OTUB2: variants seen among roughly 807,000 people sequenced by gnomAD.
OTUB2 encodes OTU deubiquitinase, ubiquitin aldehyde binding 2, also known as ubiquitin thioesterase OTUB2.
OTUB2 carries 21 observed loss-of-function variants against 25.1 expected under a neutral mutation model. The ratio of observed to expected loss-of-function variants is 0.84; its 90% confidence interval spans 0.59 to 1.21. The LOEUF is 1.21. OTUB2 is among the 50% of genes most tolerant of loss of function. The probability of loss-of-function intolerance (pLI) is 0.00; values close to 1 mark genes in which losing one functional copy is unlikely to be tolerated. For missense variants in OTUB2, 283 were observed against 298.0 expected (o/e 0.95, Z 0.37); for synonymous variants, 122 against 122.8 (o/e 0.99, Z 0.04).
chr14:94,042,059 G>A (rs1156628967), intron 3 of OTUB2, among the ~76,000 whole-genome samples: 1 of 151,420 alleles, frequency 6.6e-6, no homozygotes, highest in East Asian at 1.9e-4. Context: ...GCTGCTGCAG[G>A]GCTGGAGCAA....
intron 4 of OTUB2, 51 bp downstream of exon 4, chr14:94,044,106 G>A: frequency 6.5e-7 from 1 of 1,539,650 alleles, no homozygotes; most frequent in Non-Finnish European, 9.0e-7. Context: ...ACAGGAGTGG[G>A]CACTGGCTGG....
chr14:94,037,329 G>C (rs1218246528), intron 1 of OTUB2, 51 bp from the exon 2 acceptor site: 1 of 1,383,044 alleles, frequency 7.2e-7, no homozygotes, highest in Non-Finnish European at 1.0e-6. Flanking sequence ...GGGGAGTCCC[G>C]TCCGTTGCTT....
Position 94,044,608 on chromosome 14 carries a change from T to G in OTUB2, c.326T>G (p.Val109Gly). The G allele has an allele frequency of 1.2e-6, 2 of 1,613,896 alleles. No homozygotes were observed. The highest frequency in any genetic ancestry group is 1.7e-6 in the Non-Finnish European group (2 of 1,179,870). Residue 109 changes from valine (V) to glycine (G), a missense_variant, in exon 5 of 6, where the codon GTA becomes GGA. Coordinates refer to ENST00000203664, the MANE Select transcript of OTUB2 (RefSeq NM_023112.4). ...CAGTTTTACAGTGTGGTGGAACTGG[T>G]AGAGAAGGATGGCTCAGTGTCCAGC... is the stretch of plus-strand genomic sequence containing the variant. ...FNAFYSVVEL[V>G]EKDGSVSSLL... is the part of the protein sequence containing the mutation.
At chr14:94,030,407 A>C (rs1884937282) in intron 1 of OTUB2, among the ~76,000 whole-genome samples, 1 of 152,052 alleles carries the variant, frequency 6.6e-6, no homozygotes, top group South Asian at 2.1e-4. Context: ...TAATGTTCTC[A>C]GACTTCTGAG....
At chr14:94,033,883 G>A (rs905656255) in intron 1 of OTUB2, among the ~76,000 whole-genome samples, 1 of 152,212 alleles carries the variant, frequency 6.6e-6, no homozygotes, top group Non-Finnish European at 1.5e-5. Flanking sequence ...TGTACAACTA[G>A]CAATTGTTAT....
Position 94,047,318 on chromosome 14 carries a change from C to T in OTUB2, c.*1396C>T, listed in dbSNP as rs796309248. ...GACTGGGTAGCAGACTCCTCAGAGT[C>T]CTCTTGACACAAATGTCAGATTTGT... On this transcript the variant is annotated 3_prime_UTR_variant, in exon 6 of 6. Coordinates refer to ENST00000203664, the MANE Select transcript of OTUB2 (RefSeq NM_023112.4). 3.3e-5 allele frequency: 5 copies of T among 152,306 alleles called. No individual in the cohort carries two copies. Among genetic ancestry groups the T allele is most frequent in the African/African-American group, 9.6e-5 (4 of 41,544 alleles). 9.4% of individuals were successfully genotyped at this position (152,306 alleles called of 1,614,324 possible). A position where few individuals can be genotyped will look rare whatever the true frequency, so the allele number is the denominator to read the frequency against.
At chr14:94,041,127 G>A (rs1885153645) in intron 3 of OTUB2, among the ~76,000 whole-genome samples, 1 of 152,224 alleles carries the variant, frequency 6.6e-6, no homozygotes, top group South Asian at 2.1e-4. Context: ...GCAAGAAGTG[G>A]GCAGGTCTAG....
At position 94,046,035 on chromosome 14, in the gene OTUB2, G is replaced by A; in HGVS notation, c.*113G>A. 1 of 1,235,536 alleles carries A rather than the reference G, an allele frequency of 8.1e-7. No homozygotes were observed. The highest frequency in any genetic ancestry group is 1.3e-5 in the South Asian group (1 of 74,098). The allele number at this position is 1,235,536 out of a possible 1,614,324, so 76.5% of individuals were successfully genotyped here. On this transcript the variant is annotated 3_prime_UTR_variant, in exon 6 of 6. Coordinates refer to ENST00000203664, the MANE Select transcript of OTUB2 (RefSeq NM_023112.4). ...TTAGACTGTAGCAAGAAAATGTGCA[G>A]CCTTTTGGGCAAAGCCCCTGGGAAC...
At chr14:94,040,612 A>G (rs1206368954) in intron 3 of OTUB2, among the ~76,000 whole-genome samples, 1 of 152,166 alleles carries the variant, frequency 6.6e-6, no homozygotes, top group Non-Finnish European at 1.5e-5. Context: ...GCACCAGCCC[A>G]CGTGCTCTGT....
intron 2 of OTUB2, among the ~76,000 whole-genome samples, chr14:94,038,685 G>A (rs1238535486): frequency 1.3e-5 from 2 of 152,180 alleles, no homozygotes; most frequent in Non-Finnish European, 2.9e-5. Context: ...GTGGCACCCA[G>A]CCAGGCACTC....
At chr14:94,026,614 T>A in intron 1 of OTUB2, 74 bp downstream of exon 1, 8 of 916,410 alleles carry the variant, frequency 8.7e-6, no homozygotes, top group Non-Finnish European at 9.9e-6. Context: ...CCGGAGCGGG[T>A]GCACCCGCGG....
At chr14:94,031,968 G>A (rs765448539) in intron 1 of OTUB2, among the ~76,000 whole-genome samples, 1 of 152,222 alleles carries the variant, frequency 6.6e-6, no homozygotes, top group Non-Finnish European at 1.5e-5. Flanking sequence ...TCACGAATGA[G>A]AGTCAGCCAG....
rs140447688 is a variant in OTUB2 at position 94,041,759 on chromosome 14, C to T, written c.219-2212C>T. Among the ~76,000 whole-genome samples, 831 of 152,342 alleles carry T rather than the reference C, an allele frequency of 5.5e-3. 4 individuals carry two copies. Among genetic ancestry groups the T allele is most frequent in the African/African-American group, 0.018 (769 of 41,572 alleles). On this transcript the variant is annotated intron_variant, in intron 3 of 5. Coordinates refer to ENST00000203664, the MANE Select transcript of OTUB2 (RefSeq NM_023112.4). Reference sequence around the variant, plus strand: ...ACCAGAGCTTGCAGGCATGACATGCCGCCTGACGCTGCCTGGGCCTAGGTA... The same window carrying T: ...ACCAGAGCTTGCAGGCATGACATGCTGCCTGACGCTGCCTGGGCCTAGGTA...
chr14:94,047,366 A>G lies in OTUB2; in HGVS notation c.*1444A>G, dbSNP rs1885298716. ...TGTGTCACTCTTCTGCCTTCGTGAA[A>G]AGCCAATAGCACTCTCAGATATCAG... On this transcript the variant is annotated 3_prime_UTR_variant, in exon 6 of 6. Coordinates refer to ENST00000203664, the MANE Select transcript of OTUB2 (RefSeq NM_023112.4). The G allele has an allele frequency of 6.6e-6, 1 of 152,174 alleles. No individual in the cohort carries two copies. Among genetic ancestry groups the G allele is most frequent in the Admixed American group, 6.5e-5 (1 of 15,280 alleles). The allele number at this position is 152,174 out of a possible 1,614,324, so 9.4% of individuals were successfully genotyped here. A position where few individuals can be genotyped will look rare whatever the true frequency, so the allele number is the denominator to read the frequency against.
At chr14:94,027,937 G>A (rs945943331) in intron 1 of OTUB2, among the ~76,000 whole-genome samples, 3 of 152,256 alleles carry the variant, frequency 2.0e-5, no homozygotes, top group Non-Finnish European at 4.4e-5. Context: ...CCACCAGGGA[G>A]TGGTGGAGCT....
chr14:94,046,284 AC>A lies in OTUB2; in HGVS notation c.*364del. On this transcript the variant is annotated 3_prime_UTR_variant, in exon 6 of 6. Coordinates refer to ENST00000203664, the MANE Select transcript of OTUB2 (RefSeq NM_023112.4). ...AAAATGGGGCCTCTGGTGTCTCTTT[AC>A]CAGGGGCAGTGCCTCTCTGCGGGGG... 1 of 340,344 alleles carries A rather than the reference AC, an allele frequency of 2.9e-6. No homozygotes were observed. The highest frequency in any genetic ancestry group is 6.4e-5 in the East Asian group (1 of 15,546). 21.1% of individuals were successfully genotyped at this position (340,344 alleles called of 1,614,324 possible).
chr14:94,033,432 T>A (rs1884996104), intron 1 of OTUB2, among the ~76,000 whole-genome samples: 1 of 152,208 alleles, frequency 6.6e-6, no homozygotes, highest in African/African-American at 2.4e-5. Context: ...ATTAATTCCT[T>A]AAATCCATTC....
At chr14:94,032,291 G>T (rs1476592482) in intron 1 of OTUB2, among the ~76,000 whole-genome samples, 1 of 152,194 alleles carries the variant, frequency 6.6e-6, no homozygotes, top group African/African-American at 2.4e-5. Context: ...GTAAGCAGGG[G>T]TAGCTCTTAA....
chr14:94,032,096 G>A (rs1221179870), intron 1 of OTUB2, among the ~76,000 whole-genome samples: 1 of 152,196 alleles, frequency 6.6e-6, no homozygotes, highest in Non-Finnish European at 1.5e-5. Flanking sequence ...AGTGGGGAGT[G>A]GCAGGGGACC....
Sources: allele counts gnomAD v4.1 joint callset (sites outside exome capture counted in the v4.1 genomes callset), GRCh38; gene constraint gnomAD v4.1.1; transcripts MANE v1.5; gene names NCBI Gene and HGNC (gene_info 2026-07-23, HGNC 2026-07-21).